The following AMOTL1 variants were observed in gnomAD, a reference collection of about 807,000 sequenced individuals.
The protein encoded by AMOTL1 is angiomotin-like protein 1.
Under a neutral mutation model 102.9 loss-of-function variants are expected in AMOTL1, and 45 were observed. The observed-to-expected ratio is 0.44, with a 90% CI of 0.34 to 0.56. The LOEUF is 0.56. AMOTL1 is among the 20% of genes least tolerant of loss of function. The pLI is 0.01. For synonymous variants in AMOTL1, 481 were observed against 484.7 expected, an observed-to-expected ratio of 0.99 and a Z score of 0.10; for missense variants, 1,114 against 1,225.6, an observed-to-expected ratio of 0.91 and a Z score of 1.36.
chr11:94,869,834 C>T (rs2135746127), intron 12 of AMOTL1, among the ~76,000 whole-genome samples: 1 of 152,284 alleles, frequency 6.6e-6, no homozygotes, highest in African/African-American at 2.4e-5. Flanking sequence ...GGCACAAGTT[C>T]ACTGTTGCCT....
At chr11:94,759,026 G>C (rs759899641) in intron 3 of AMOTL1, among the ~76,000 whole-genome samples, 2 of 152,122 alleles carry the variant, frequency 1.3e-5, no homozygotes, top group Non-Finnish European at 2.9e-5. Context: ...ATACGGATTA[G>C]ATATGTTTTT....
chr11:94,773,856 A>T (rs1452541662), intron 1 of AMOTL1, among the ~76,000 whole-genome samples: 1 of 152,248 alleles, frequency 6.6e-6, no homozygotes. Flanking sequence ...AATGAAGTTG[A>T]ATAGATTAAG....
intron 3 of AMOTL1, among the ~76,000 whole-genome samples, chr11:94,751,337 C>G (rs1950651683): frequency 6.6e-6 from 1 of 152,102 alleles, no homozygotes; most frequent in Admixed American, 6.5e-5. Flanking sequence ...ATTTCCTGCC[C>G]TTTCTGCCCT....
intron 1 of AMOTL1, among the ~76,000 whole-genome samples, chr11:94,782,726 G>A (rs910549739): frequency 3.3e-5 from 5 of 152,230 alleles, no homozygotes; most frequent in Admixed American, 1.3e-4. Context: ...ATTAAAATAC[G>A]CTTTCTTTTG....
chr11:94,749,478 A>T (rs1224687319), intron 3 of AMOTL1, among the ~76,000 whole-genome samples: 1 of 152,172 alleles, frequency 6.6e-6, no homozygotes, highest in Non-Finnish European at 1.5e-5. Context: ...CACACCCAGA[A>T]ATAATGCATT....
Position 94,870,908 on chromosome 11 carries a change from T to C in AMOTL1, c.*113T>C, listed in dbSNP as rs1952983938. The C allele has an allele frequency of 2.4e-6, 2 of 823,534 alleles. No homozygotes were observed. Among genetic ancestry groups the C allele is most frequent in the South Asian group, 4.4e-5 (2 of 45,312 alleles). 51.0% of individuals were successfully genotyped at this position (823,534 alleles called of 1,614,324 possible). On this transcript the variant is annotated 3_prime_UTR_variant, in exon 13 of 13. Transcript: ENST00000433060. ...GGAAATCAGGAATGATTTGAACTGA[T>C]AAAGATTTCAGACTCATAAGAACAC...
intron 3 of AMOTL1, among the ~76,000 whole-genome samples, chr11:94,751,217 C>CTA (rs201558159): frequency 2.6e-5 from 4 of 151,766 alleles, no homozygotes; most frequent in Non-Finnish European, 4.4e-5. Context: ...GCACTCAAAA[C>CTA]TATATATATA....
chr11:94,780,954 A>T (rs779414725), intron 1 of AMOTL1, among the ~76,000 whole-genome samples: 4 of 151,894 alleles, frequency 2.6e-5, no homozygotes, highest in Non-Finnish European at 4.4e-5. Context: ...TTGTTCTTTA[A>T]ATCTTTCTAA....
At chr11:94,866,524 C>G (rs905764231) in intron 11 of AMOTL1, 8 of 258,114 alleles carry the variant, frequency 3.1e-5, no homozygotes, top group African/African-American at 1.6e-4. Flanking sequence ...ACGGCTCCAC[C>G]TCTGCTTCCA....
At chr11:94,721,841 G>T (rs1364428965) in intron 1 of AMOTL1, among the ~76,000 whole-genome samples, 1 of 152,122 alleles carries the variant, frequency 6.6e-6, no homozygotes, top group Non-Finnish European at 1.5e-5. Context: ...GACAGTGCTG[G>T]ATTGGTTGGC....
At chr11:94,724,467 G>C (rs1048023401) in intron 1 of AMOTL1, among the ~76,000 whole-genome samples, 6 of 152,128 alleles carry the variant, frequency 3.9e-5, no homozygotes, top group African/African-American at 1.4e-4. Context: ...TTTAAGTATT[G>C]GCTGAATAAG....
At chr11:94,794,718 G>A (rs1174086626) in intron 1 of AMOTL1, among the ~76,000 whole-genome samples, 5 of 152,128 alleles carry the variant, frequency 3.3e-5, no homozygotes, top group Non-Finnish European at 4.4e-5. Flanking sequence ...CTTGACTTTC[G>A]CTGGTGCTGC....
At chr11:94,714,732 T>C (rs981669861) in intron 1 of AMOTL1, among the ~76,000 whole-genome samples, 12 of 152,106 alleles carry the variant, frequency 7.9e-5, no homozygotes, top group Non-Finnish European at 8.8e-5. Context: ...CTGTTTGATA[T>C]TGGTAATTTG....
rs1436920651 is a variant in AMOTL1, at chr11:94,859,600, G to A, written c.2020G>A (p.Glu674Lys). ...CCTCCTGGAACTTGTGCGGGAGAAG[G>A]AGGAGCGGATCCTGGCCCTGGAGGC... ...PALLELVREK[E>K]ERILALEADM... The change falls in exon 9 of 13, where the codon GAG becomes AAG. Residue 674 changes from glutamate (E) to lysine (K), a missense_variant. By Grantham distance (56) the Glu-to-Lys change is moderately conservative. Transcript: ENST00000433060. 3.1e-6 allele frequency: 5 copies of A among 1,613,850 alleles called. No individual in the cohort carries two copies. The highest frequency in any genetic ancestry group is 4.2e-6 in the Non-Finnish European group (5 of 1,179,878).
At chr11:94,711,290 T>C (rs1198132105) in intron 1 of AMOTL1, among the ~76,000 whole-genome samples, 1 of 152,162 alleles carries the variant, frequency 6.6e-6, no homozygotes, top group Non-Finnish European at 1.5e-5. Context: ...GGCTTGTATA[T>C]TTTTAAAAAA....
intron 6 of AMOTL1, 77 bp from the exon 7 acceptor site, chr11:94,850,037 C>A (rs1362065344): frequency 1.4e-6 from 2 of 1,441,170 alleles, no homozygotes; most frequent in Admixed American, 2.5e-5. Flanking sequence ...TTAATCCTTG[C>A]CAGATGTCGA....
chr11:94,838,986 A>T (rs1272796242), intron 6 of AMOTL1, among the ~76,000 whole-genome samples: 1 of 152,210 alleles, frequency 6.6e-6, no homozygotes. Context: ...AATTCTCACC[A>T]TAAGGATCCT....
intron 1 of AMOTL1, among the ~76,000 whole-genome samples, chr11:94,775,931 C>T (rs910839241): frequency 6.6e-6 from 1 of 152,180 alleles, no homozygotes; most frequent in Non-Finnish European, 1.5e-5. Context: ...GTTATGCTGG[C>T]GGCAAAGCTT....
chr11:94,785,938 G>T (rs982861730), intron 1 of AMOTL1, among the ~76,000 whole-genome samples: 8 of 152,118 alleles, frequency 5.3e-5, no homozygotes, highest in South Asian at 2.1e-4. Flanking sequence ...GGTAATACTT[G>T]TTCACTCTCA....
Sources: gnomAD v4.1 joint callset for allele counts (sites outside exome capture counted in the v4.1 genomes callset) on GRCh38, gnomAD v4.1.1 for gene constraint, MANE v1.5 for transcripts, NCBI Gene and HGNC (gene_info 2026-07-23, HGNC 2026-07-21) for gene names.